The following RPIA variants were observed in gnomAD, a reference collection of about 807,000 sequenced individuals.
The protein encoded by RPIA is ribose-5-phosphate isomerase.
In RPIA, 29 loss-of-function variants were observed where a neutral mutation model predicts 37.8. The observed-to-expected ratio is 0.77, with a 90% confidence interval of 0.57 to 1.05. The LOEUF is 1.05. Ranked by LOEUF, RPIA falls within the 50% of genes least tolerant of loss-of-function variation. The pLI, the probability that RPIA is intolerant of heterozygous loss-of-function variation, is 0.00. For missense variants in RPIA, 385 were observed against 413.6 expected, an observed-to-expected ratio of 0.93 and a Z score of 0.60; for synonymous variants, 167 against 157.0, an observed-to-expected ratio of 1.06 and a Z score of -0.48.
intron 3 of RPIA, among the ~76,000 whole-genome samples, chr2:88,726,429 C>T (rs1194507638): frequency 6.6e-6 from 1 of 151,924 alleles, no homozygotes; most frequent in African/African-American, 2.4e-5. Context: ...TGGCCCAAGA[C>T]AATTCTTCTT....
At chr2:88,697,088 G>A (rs917762805) in intron 1 of RPIA, among the ~76,000 whole-genome samples, 1 of 152,164 alleles carries the variant, frequency 6.6e-6, no homozygotes, top group Non-Finnish European at 1.5e-5. Context: ...AAACTTACTT[G>A]CTTTGTTAAC....
rs767445831 is a variant in RPIA, at chr2:88,700,040, C to T, written c.378C>T (p.Leu126=). 6 of 1,614,070 alleles carry T rather than the reference C, an allele frequency of 3.7e-6. No homozygotes were observed. Among genetic ancestry groups the T allele is most frequent in the Middle Eastern group, 1.6e-4 (1 of 6,084 alleles). ...GGGTGAAGCAAGAGAATCTGAACCT[C>T]GTCTGTATTCCCACTTCCTTCCAGG... The part of the protein sequence containing the change: ...AERVKQENLN[L]VCIPTSFQAR... Residue 126 remains leucine (L), a synonymous_variant, in exon 3 of 9, where the codon CTC becomes CTT. Coordinates refer to ENST00000283646, the MANE Select transcript of RPIA (RefSeq NM_144563.3).
At chr2:88,705,121 G>T (rs1230421974) in intron 3 of RPIA, among the ~76,000 whole-genome samples, 1 of 152,146 alleles carries the variant, frequency 6.6e-6, no homozygotes, top group Middle Eastern at 3.2e-3. Flanking sequence ...TCAATATCAT[G>T]AAAACGGCCA....
intron 8 of RPIA, among the ~76,000 whole-genome samples, chr2:88,741,114 G>A (rs939942214): frequency 2.6e-5 from 4 of 152,036 alleles, no homozygotes; most frequent in Non-Finnish European, 5.9e-5. Flanking sequence ...TGGCTACATG[G>A]ATAAGTTCTT....
At chr2:88,720,847 C>G (rs1446158162) in intron 3 of RPIA, among the ~76,000 whole-genome samples, 1 of 152,048 alleles carries the variant, frequency 6.6e-6, no homozygotes, top group Non-Finnish European at 1.5e-5. Context: ...CCATTTCACC[C>G]AGCAATCCCA....
intron 8 of RPIA, among the ~76,000 whole-genome samples, chr2:88,738,414 G>GC (rs1327409737): frequency 1.3e-5 from 2 of 152,212 alleles, no homozygotes; most frequent in Admixed American, 6.5e-5. Flanking sequence ...CTGGACTACA[G>GC]CCTTTTTTTG....
intron 8 of RPIA, among the ~76,000 whole-genome samples, chr2:88,739,649 G>A (rs983352375): frequency 1.3e-5 from 2 of 152,100 alleles, no homozygotes; most frequent in East Asian, 3.8e-4. Flanking sequence ...ATAGGGTCTC[G>A]CTCTGTCACC....
At chr2:88,737,435 T>G (rs1269205269) in intron 7 of RPIA, among the ~76,000 whole-genome samples, 1 of 152,246 alleles carries the variant, frequency 6.6e-6, no homozygotes, top group East Asian at 1.9e-4. Context: ...GTGCTCTGAC[T>G]GACGTTCAGA....
chr2:88,734,548 A>G lies in RPIA; in HGVS notation c.463-4A>G. ...TTTGTATCTTTACCTTTCCCCCAAT[A>G]CAGATCGACCTTGCCATCGATGGTG... is the stretch of plus-strand genomic sequence containing the variant. On this transcript the variant is annotated splice_polypyrimidine_tract_variant and splice_region_variant and intron_variant, in intron 4 of 8. Transcript: ENST00000283646. 6.2e-7 allele frequency: 1 copy of G among 1,614,018 alleles called. No homozygotes were observed. Among genetic ancestry groups the G allele is most frequent in the Non-Finnish European group, 8.5e-7 (1 of 1,179,976 alleles).
intron 3 of RPIA, among the ~76,000 whole-genome samples, chr2:88,721,157 T>A (rs915814532): frequency 6.6e-6 from 1 of 151,440 alleles, no homozygotes; most frequent in Admixed American, 6.6e-5. Flanking sequence ...TAAGTGGGAG[T>A]TGAACAATGA....
chr2:88,722,984 G>A (rs976823295), intron 3 of RPIA, among the ~76,000 whole-genome samples: 1 of 152,166 alleles, frequency 6.6e-6, no homozygotes, highest in Admixed American at 6.5e-5. Flanking sequence ...CAGAAACCAA[G>A]TGCATAGTTT....
rs1475104197 is a variant in RPIA, at chr2:88,750,518, CTTTG to C, written c.*444_*447del. The C allele has an allele frequency of 4.8e-6, 2 of 418,362 alleles. No homozygotes were observed. The highest frequency in any genetic ancestry group is 8.4e-6 in the Non-Finnish European group (2 of 237,356). 25.9% of individuals were successfully genotyped at this position (418,362 alleles called of 1,614,324 possible). A position where few individuals can be genotyped will look rare whatever the true frequency, so the allele number is the denominator to read the frequency against. On this transcript the variant is annotated 3_prime_UTR_variant, in exon 9 of 9. Transcript: ENST00000283646. The stretch of plus-strand genomic sequence containing the variant: ...TGATCTCCTGATGCCTTACTGGAAA[CTTTG>C]TTTACTTGTCTGCTACCCTCTGATT...
At chr2:88,720,244 T>C (rs1056323605) in intron 3 of RPIA, among the ~76,000 whole-genome samples, 47 of 140,280 alleles carry the variant, frequency 3.4e-4, no homozygotes, top group African/African-American at 1.2e-3. Context: ...AAAAAAAAAT[T>C]TGTCTCAGTT....
chr2:88,714,123 A>G (rs539894657), intron 3 of RPIA, among the ~76,000 whole-genome samples: 20 of 151,726 alleles, frequency 1.3e-4, no homozygotes, highest in African/African-American at 4.8e-4. Flanking sequence ...TGTTTGGTCT[A>G]TTAAATTATG....
At position 88,728,981 on chromosome 2, in the gene RPIA, C is replaced by G. The variant is rs79043364; in HGVS notation, c.403-297C>G. On this transcript the variant is annotated intron_variant, in intron 3 of 8. Coordinates refer to ENST00000283646, the MANE Select transcript of RPIA (RefSeq NM_144563.3). ...GAATTTTTTGTCGCACTTGTTTTGCCAGAAGCTTTAGGATGCCGTGGCATT... is the reference window on the plus strand; with the variant it reads ...GAATTTTTTGTCGCACTTGTTTTGCGAGAAGCTTTAGGATGCCGTGGCATT... 5.7e-3 allele frequency among the ~76,000 whole-genome samples: 870 copies of G among 152,260 alleles called. 6 individuals are homozygous for G. Among genetic ancestry groups the G allele is most frequent in the African/African-American group, 0.02 (843 of 41,544 alleles).
intron 8 of RPIA, among the ~76,000 whole-genome samples, chr2:88,747,303 C>T (rs540522029): frequency 6.6e-6 from 1 of 152,278 alleles, no homozygotes; most frequent in East Asian, 1.9e-4. Context: ...CCCGCCATGC[C>T]CCACCATGGT....
At chr2:88,696,499 T>TG (rs58309110) in intron 1 of RPIA, among the ~76,000 whole-genome samples, 76 of 151,398 alleles carry the variant, frequency 5.0e-4, no homozygotes, top group African/African-American at 1.6e-3. Context: ...TGTGTGTGTG[T>TG]GGGGGGGCAT....
chr2:88,734,674 G>A, intron 5 of RPIA, 58 bp downstream of exon 5: 2 of 1,546,122 alleles, frequency 1.3e-6, no homozygotes, highest in East Asian at 2.2e-5. Flanking sequence ...CCTTAGCAAA[G>A]CAAGATGGAT....
chr2:88,691,715 C>G lies in RPIA; in HGVS notation c.17C>G (p.Pro6Arg). 6.3e-7 allele frequency: 1 copy of G among 1,578,636 alleles called. No homozygotes were observed. Among genetic ancestry groups the G allele is most frequent in the South Asian group, 1.1e-5 (1 of 88,296 alleles). MQRPG[P>R]FSTLYGRVLA... ...GGCGTCGGGATGCAGCGCCCCGGGC[C>G]CTTCAGCACCCTCTACGGGCGGGTC... Residue 6 changes from proline to arginine, a missense_variant, in exon 1 of 9, where the codon CCC becomes CGC. Coordinates refer to ENST00000283646, the MANE Select transcript of RPIA (RefSeq NM_144563.3).
Sources: gnomAD v4.1 joint callset for allele counts (sites outside exome capture counted in the v4.1 genomes callset) on GRCh38, gnomAD v4.1.1 for gene constraint, MANE v1.5 for transcripts, NCBI Gene and HGNC (gene_info 2026-07-23, HGNC 2026-07-21) for gene names.